Variants in PARL observed in about 807,000 individuals in gnomAD.
PARL encodes the protein presenilin associated rhomboid like.
Under a neutral mutation model 51.6 loss-of-function variants are expected in PARL, and 44 were observed. The observed-to-expected ratio is 0.85, with a 90% CI of 0.67 to 1.10. The LOEUF is 1.10. Ranked by LOEUF, PARL falls within the 50% of genes least tolerant of loss-of-function variation. PARL has a pLI of 0.00. For synonymous variants in PARL, 172 were observed against 164.0 expected (o/e 1.05, Z -0.37); for missense variants, 441 against 469.5 (o/e 0.94, Z 0.56).
intron 1 of PARL, among the ~76,000 whole-genome samples, chr3:183,877,478 A>T (rs957716523): frequency 6.6e-6 from 1 of 152,232 alleles, no homozygotes; most frequent in African/African-American, 2.4e-5. Context: ...ACTCTGAAAG[A>T]AGTTCTACTG....
At chr3:183,841,085 AAG>A (rs1247599556) in intron 6 of PARL, among the ~76,000 whole-genome samples, 1 of 152,170 alleles carries the variant, frequency 6.6e-6, no homozygotes, top group Non-Finnish European at 1.5e-5. Flanking sequence ...CTATAACATG[AAG>A]ACTCATTCCC....
At position 183,833,597 on chromosome 3, in the gene PARL, G is replaced by T; in HGVS notation, c.931-8C>A. ...GATAATGGCTTTCAGGGCCTGAAAG[G>T]CAGCAAGAAACAAGCGGCACAACTG... is the stretch of plus-strand genomic sequence containing the variant. On this transcript the variant is annotated splice_region_variant and splice_polypyrimidine_tract_variant and intron_variant, in intron 8 of 9. Coordinates refer to ENST00000317096, the MANE Select transcript of PARL (RefSeq NM_018622.7). 6.3e-7 allele frequency: 1 copy of T among 1,598,782 alleles called. No homozygotes were observed. The highest frequency in any genetic ancestry group is 8.6e-7 in the Non-Finnish European group (1 of 1,165,936).
chr3:183,833,800 G>A lies in PARL; in HGVS notation c.854C>T (p.Ala285Val). ...TTCTGGGATCTTAGTGCAGACAGCTGCGAGGACTGTCATGATGGCACCAGA... is the reference window on the plus strand; with the variant it reads ...TTCTGGGATCTTAGTGCAGACAGCTACGAGGACTGTCATGATGGCACCAGA... ...GASGAIMTVL[A>V]AVCTKIPEGR... The change falls in exon 8 of 10, where the codon GCA becomes GTA. Residue 285 changes from alanine to valine, a missense_variant. By Grantham distance (64) the Ala-to-Val change is moderately conservative. Coordinates refer to ENST00000317096, the MANE Select transcript of PARL (RefSeq NM_018622.7). 6.2e-7 allele frequency: 1 copy of A among 1,612,580 alleles called. No homozygotes were observed. Among genetic ancestry groups the A allele is most frequent in the South Asian group, 1.1e-5 (1 of 91,064 alleles).
At chr3:183,850,820 G>C (rs1384288846) in intron 4 of PARL, among the ~76,000 whole-genome samples, 1 of 152,164 alleles carries the variant, frequency 6.6e-6, no homozygotes, top group Non-Finnish European at 1.5e-5. Context: ...AGGAATGCCA[G>C]CTTGGTTCAA....
At chr3:183,846,272 T>A (rs998410129) in intron 4 of PARL, among the ~76,000 whole-genome samples, 3 of 152,104 alleles carry the variant, frequency 2.0e-5, no homozygotes, top group African/African-American at 7.2e-5. Context: ...GGCGGACGGA[T>A]CACCTGAGGT....
At chr3:183,859,850 T>A (rs186837253) in intron 4 of PARL, among the ~76,000 whole-genome samples, 1 of 152,222 alleles carries the variant, frequency 6.6e-6, no homozygotes, top group Non-Finnish European at 1.5e-5. Flanking sequence ...AATCTTTCCA[T>A]CCAAATTCAA....
intron 7 of PARL, among the ~76,000 whole-genome samples, chr3:183,836,983 C>T (rs1301407279): frequency 6.6e-6 from 1 of 152,160 alleles, no homozygotes; most frequent in African/African-American, 2.4e-5. Flanking sequence ...TCAAGTGATC[C>T]ACCCACCTCG....
chr3:183,864,724 A>G (rs1002116370), intron 3 of PARL, among the ~76,000 whole-genome samples: 2 of 151,712 alleles, frequency 1.3e-5, no homozygotes, highest in Non-Finnish European at 2.9e-5. Context: ...TGCAGTGAGC[A>G]GAGATCGCGC....
rs755947114 is a variant in PARL at position 183,870,068 on chromosome 3, G to A, written c.126-2008C>T. Among the ~76,000 whole-genome samples the A allele has an allele frequency of 4.6e-3, 680 of 149,284 alleles. 1 individual carries two copies. Among genetic ancestry groups the A allele is most frequent in the Non-Finnish European group, 6.9e-3 (463 of 67,410 alleles). On this transcript the variant is annotated intron_variant, in intron 1 of 9. Transcript: ENST00000317096. ...TGAGGCAGGTGGATCACGAGGTCAGGAGTTTGAGACCAGCCTGGCCAATAT... is the reference window on the plus strand; with the variant it reads ...TGAGGCAGGTGGATCACGAGGTCAGAAGTTTGAGACCAGCCTGGCCAATAT...
chr3:183,880,113 G>C (rs1734277056), intron 1 of PARL, among the ~76,000 whole-genome samples: 1 of 152,104 alleles, frequency 6.6e-6, no homozygotes, highest in Admixed American at 6.6e-5. Flanking sequence ...CTTATTCACA[G>C]GTTTAGGTTA....
At chr3:183,832,745 T>C (rs1280098318) in intron 9 of PARL, among the ~76,000 whole-genome samples, 1 of 152,112 alleles carries the variant, frequency 6.6e-6, no homozygotes, top group African/African-American at 2.4e-5. Flanking sequence ...CAAAACCCCA[T>C]TGTTTGAAGC....
At chr3:183,883,858 G>A (rs2108733698) in intron 1 of PARL, 1 of 182,882 alleles carries the variant, frequency 5.5e-6, no homozygotes, top group South Asian at 1.8e-4. Context: ...AAACTCTTCA[G>A]GTGATCCTTG....
At chr3:183,881,368 C>G (rs527258085) in intron 1 of PARL, among the ~76,000 whole-genome samples, 1 of 147,928 alleles carries the variant, frequency 6.8e-6, no homozygotes, top group East Asian at 2.0e-4. Context: ...GTGATCCACC[C>G]GCCTCGGCCT....
chr3:183,871,187 GGTACTATACTCAAAGTAAGGTA>G (rs1733153796), intron 1 of PARL, among the ~76,000 whole-genome samples: 1 of 151,860 alleles, frequency 6.6e-6, no homozygotes, highest in African/African-American at 2.4e-5. Flanking sequence ...AAAGTAAGGT[GGTACTATACTCAAAGTAAGGTA>G]GTACTATACT....
chr3:183,870,557 T>A (rs575940031), intron 1 of PARL, among the ~76,000 whole-genome samples: 1 of 152,220 alleles, frequency 6.6e-6, no homozygotes, highest in South Asian at 2.1e-4. Flanking sequence ...AGCTCATCCC[T>A]TCTGGCCTGG....
intron 9 of PARL, 127 bp from the exon 10 acceptor site, chr3:183,829,836 T>A (rs1032506549): frequency 3.8e-6 from 3 of 792,186 alleles, no homozygotes; most frequent in Non-Finnish European, 6.8e-6. Context: ...CGATTAAAAC[T>A]GACTCACATC....
chr3:183,876,345 A>G (rs1402925372), intron 1 of PARL, among the ~76,000 whole-genome samples: 1 of 151,942 alleles, frequency 6.6e-6, no homozygotes, highest in Non-Finnish European at 1.5e-5. Flanking sequence ...CTGTGCCCAA[A>G]CGGTTTACCA....
rs375590241 is a variant in PARL at position 183,869,979 on chromosome 3, TA to T, written c.126-1920del. ...CCACAGTTCTCTCAGTTACTGAGGT[TA>T]AAAATCTAGGCTGGGGGCCGGGCAC... On this transcript the variant is annotated intron_variant, in intron 1 of 9. Coordinates refer to ENST00000317096, the MANE Select transcript of PARL (RefSeq NM_018622.7). Among the ~76,000 whole-genome samples the T allele has an allele frequency of 2.5e-3, 378 of 151,872 alleles. 1 individual carries two copies. Among genetic ancestry groups the T allele is most frequent in the African/African-American group, 8.5e-3 (351 of 41,420 alleles).
chr3:183,876,610 T>TAATTAAAAAAAAAAAAAAAAAAAAAAATA (rs1733844989), intron 1 of PARL, among the ~76,000 whole-genome samples: 1 of 91,828 alleles, frequency 1.1e-5, no homozygotes, highest in Non-Finnish European at 2.0e-5. Context: ...ATACATTTTG[T>TAATTAAAAAAAAAAAAAAAAAAAAAAATA]AAAAAAAAAA....
Sources: gnomAD v4.1 joint callset for allele counts (sites outside exome capture counted in the v4.1 genomes callset) on GRCh38, gnomAD v4.1.1 for gene constraint, MANE v1.5 for transcripts, NCBI Gene and HGNC (gene_info 2026-07-23, HGNC 2026-07-21) for gene names.